The following SSBP3 variants were observed in gnomAD, a reference collection of about 807,000 sequenced individuals.
SSBP3 encodes the protein single-stranded DNA-binding protein 3.
A neutral mutation model predicts 69.6 loss-of-function variants in SSBP3; 5 were observed. The observed-to-expected ratio is 0.07, with a 90% CI of 0.04 to 0.15. The LOEUF (loss-of-function observed/expected upper bound fraction) is 0.15. Among genes scored for constraint, SSBP3 ranks in the 10% least tolerant of loss-of-function variants. SSBP3 has a pLI of 1.00. For synonymous variants in SSBP3, 196 were observed against 193.4 expected (o/e 1.01, Z -0.11); for missense variants, 312 against 534.0 (o/e 0.58, Z 4.10).
At chr1:54,317,489 GT>G (rs1646133712) in intron 4 of SSBP3, among the ~76,000 whole-genome samples, 2 of 151,406 alleles carry the variant, frequency 1.3e-5, no homozygotes, top group Admixed American at 1.3e-4. Context: ...GTGAGCAGAG[GT>G]TGCACCACTG....
At chr1:54,324,376 G>T (rs575747281) in intron 4 of SSBP3, among the ~76,000 whole-genome samples, 8 of 152,122 alleles carry the variant, frequency 5.3e-5, no homozygotes, top group Non-Finnish European at 1.0e-4. Flanking sequence ...CTGTGCCATC[G>T]AGAAGCCGGC....
chr1:54,270,551 A>C (rs1645175063), intron 5 of SSBP3, among the ~76,000 whole-genome samples: 1 of 152,204 alleles, frequency 6.6e-6, no homozygotes, highest in Non-Finnish European at 1.5e-5. Context: ...GGATCTCAAA[A>C]ATACCCAGAA....
In SSBP3 at chr1:54,370,846, T is replaced by C. The variant is rs570012246; in HGVS notation, c.276+31015A>G. Among the ~76,000 whole-genome samples the C allele has an allele frequency of 5.9e-5, 9 of 152,186 alleles. No homozygotes were observed. The South Asian group carries it at 1.9e-3, about 32-fold the overall frequency. On this transcript the variant is annotated intron_variant, in intron 4 of 17. Coordinates refer to ENST00000610401, the Ensembl canonical transcript of SSBP3. ...CTGTGAGTGGTGGCAGCCCTCAGCA[T>C]GGCTCAGCTCAATTTTAGACTTGGG...
intron 4 of SSBP3, among the ~76,000 whole-genome samples, chr1:54,312,244 G>A (rs901218071): frequency 6.6e-6 from 1 of 151,170 alleles, no homozygotes; most frequent in African/African-American, 2.4e-5. Context: ...GATATGGATC[G>A]CACCACTGCA....
At chr1:54,412,417 T>C (rs1031085466) in intron 1 of SSBP3, among the ~76,000 whole-genome samples, 2 of 152,216 alleles carry the variant, frequency 1.3e-5, no homozygotes, top group African/African-American at 4.8e-5. Context: ...TTGAAGACAT[T>C]ATGCTAAATG....
chr1:54,340,073 G>C (rs1406072834), intron 4 of SSBP3, among the ~76,000 whole-genome samples: 1 of 152,100 alleles, frequency 6.6e-6, no homozygotes, highest in African/African-American at 2.4e-5. Context: ...CCCCCACCTA[G>C]AGGATAAGCG....
At chr1:54,288,135 G>A (rs575999216) in intron 4 of SSBP3, among the ~76,000 whole-genome samples, 6 of 152,152 alleles carry the variant, frequency 3.9e-5, no homozygotes, top group African/African-American at 1.2e-4. Flanking sequence ...CGCTCCCAGC[G>A]GAGACATGGC....
chr1:54,260,872 G>A (rs1296629387), intron 5 of SSBP3, among the ~76,000 whole-genome samples: 1 of 152,224 alleles, frequency 6.6e-6, no homozygotes, highest in Non-Finnish European at 1.5e-5. Flanking sequence ...CAGTCACTCA[G>A]GGAGAAAAAT....
chr1:54,375,457 C>T (rs1647204808), intron 4 of SSBP3, among the ~76,000 whole-genome samples: 2 of 152,188 alleles, frequency 1.3e-5, no homozygotes, highest in South Asian at 4.1e-4. Flanking sequence ...GGCCAGTCCA[C>T]AGGCACCTCC....
chr1:54,304,546 G>A (rs1233777625), intron 4 of SSBP3, among the ~76,000 whole-genome samples: 2 of 152,188 alleles, frequency 1.3e-5, no homozygotes, highest in African/African-American at 2.4e-5. Flanking sequence ...GTGGGAAAAG[G>A]ACACAGCAGG....
At chr1:54,284,307 G>A (rs891997843) in intron 4 of SSBP3, among the ~76,000 whole-genome samples, 1 of 151,192 alleles carries the variant, frequency 6.6e-6, no homozygotes, top group Non-Finnish European at 1.5e-5. Context: ...TTTGGTATTC[G>A]GTATTCTGAG....
At chr1:54,238,986 T>G (rs1050031433) in intron 14 of SSBP3, 143 bp downstream of exon 14, 3 of 732,124 alleles carry the variant, frequency 4.1e-6, no homozygotes, top group Non-Finnish European at 7.0e-6. Context: ...GCCCAAGAGT[T>G]AATCACTTTT....
At chr1:54,362,873 C>T (rs895860323) in intron 4 of SSBP3, among the ~76,000 whole-genome samples, 7 of 152,050 alleles carry the variant, frequency 4.6e-5, no homozygotes, top group African/African-American at 7.2e-5. Flanking sequence ...CAGATAACGG[C>T]GAGGACAGGC....
At chr1:54,330,614 C>A (rs1418073166) in intron 4 of SSBP3, among the ~76,000 whole-genome samples, 1 of 152,184 alleles carries the variant, frequency 6.6e-6, no homozygotes, top group Non-Finnish European at 1.5e-5. Context: ...GATGGAGGTA[C>A]CCAGCACTGT....
intron 4 of SSBP3, among the ~76,000 whole-genome samples, chr1:54,396,049 G>T (rs1464824819): frequency 6.6e-6 from 1 of 151,906 alleles, no homozygotes; most frequent in Admixed American, 6.6e-5. Context: ...AAAATTAGCT[G>T]GGTGTGGTGG....
At position 54,243,125 on chromosome 1, in the gene SSBP3, G is replaced by A. The variant is rs1570239491; in HGVS notation, c.716+110C>T. On this transcript the variant is annotated intron_variant, in intron 10 of 17. Transcript: ENST00000610401. ...TCACATTACCGATGAGGAGACTGAG[G>A]TCCAGAGAGGTACCAGCAATGACCC... 4 of 955,470 alleles carry A rather than the reference G, an allele frequency of 4.2e-6. No individual in the cohort carries two copies. In the East Asian group the frequency reaches 7.2e-5, roughly 17 times the overall value. 59.2% of individuals were successfully genotyped at this position (955,470 alleles called of 1,614,324 possible). A position where few individuals can be genotyped will look rare whatever the true frequency, so the allele number is the denominator to read the frequency against.
chr1:54,275,965 C>G (rs1645276300), intron 5 of SSBP3, among the ~76,000 whole-genome samples: 1 of 152,142 alleles, frequency 6.6e-6, no homozygotes, highest in Non-Finnish European at 1.5e-5. Flanking sequence ...GGTCATATCT[C>G]CGGCTTTTGG....
intron 4 of SSBP3, among the ~76,000 whole-genome samples, chr1:54,306,534 A>C (rs1273162244): frequency 6.6e-6 from 1 of 152,208 alleles, no homozygotes; most frequent in African/African-American, 2.4e-5. Context: ...TGGGAAAGCC[A>C]CTAGCTGGGT....
intron 9 of SSBP3, among the ~76,000 whole-genome samples, chr1:54,244,719 C>G (rs1266311685): frequency 5.3e-5 from 8 of 152,170 alleles, no homozygotes; most frequent in Non-Finnish European, 1.2e-4. Flanking sequence ...CTCCAAGTGT[C>G]ATTTTCCCTG....
Sources: allele counts gnomAD v4.1 joint callset (sites outside exome capture counted in the v4.1 genomes callset), GRCh38; gene constraint gnomAD v4.1.1; transcripts MANE v1.5; gene names NCBI Gene and HGNC (gene_info 2026-07-23, HGNC 2026-07-21).